The following PLCXD2 variants were observed in gnomAD, a reference collection of about 807,000 sequenced individuals.
PLCXD2 encodes the protein PI-PLC X domain-containing protein 2.
A neutral mutation model predicts 28.6 loss-of-function variants in PLCXD2; 21 were observed. That is an observed-to-expected ratio of 0.73 (90% CI 0.52 to 1.06). PLCXD2 has a LOEUF of 1.06. PLCXD2 is among the 50% of genes least tolerant of loss of function. PLCXD2 has a pLI of 0.00. For missense variants in PLCXD2, 369 were observed against 376.7 expected, an observed-to-expected ratio of 0.98 and a Z score of 0.17; for synonymous variants, 140 against 150.1, an observed-to-expected ratio of 0.93 and a Z score of 0.49.
rs531703979 is a variant in PLCXD2, at chr3:111,692,220, A to G, written c.164-15706A>G. ...CCACGCCCGGCTAATTTCTTTTTGT[A>G]TTTTTGTAGAGACGGGGTTTCACCG... On this transcript the variant is annotated intron_variant, in intron 1 of 4. Coordinates refer to ENST00000477665, the MANE Select transcript of PLCXD2 (RefSeq NM_001185106.1). Among the ~76,000 whole-genome samples, 4 of 152,054 alleles carry G rather than the reference A, an allele frequency of 2.6e-5. No individual in the cohort carries two copies. The South Asian group carries it at 8.3e-4, about 32-fold the overall frequency.
intron 3 of PLCXD2, among the ~76,000 whole-genome samples, chr3:111,716,423 A>C (rs1339015736): frequency 1.3e-5 from 2 of 152,038 alleles, no homozygotes; most frequent in African/African-American, 4.8e-5. Flanking sequence ...TAACCCCCTA[A>C]CTCTTCGATA....
chr3:111,693,999 C>G (rs1940925522), intron 1 of PLCXD2, among the ~76,000 whole-genome samples: 2 of 152,236 alleles, frequency 1.3e-5, no homozygotes, highest in South Asian at 4.1e-4. Context: ...TAGGCTACCC[C>G]TTCAAGCTGT....
chr3:111,703,406 T>C (rs932615274), intron 1 of PLCXD2, among the ~76,000 whole-genome samples: 1 of 152,226 alleles, frequency 6.6e-6, no homozygotes, highest in Non-Finnish European at 1.5e-5. Flanking sequence ...CCCATTGCTG[T>C]CACATTTCTG....
chr3:111,711,117 A>T (rs1464892430), intron 2 of PLCXD2, among the ~76,000 whole-genome samples: 5 of 152,142 alleles, frequency 3.3e-5, no homozygotes, highest in Non-Finnish European at 5.9e-5. Flanking sequence ...TCTTCTTGAA[A>T]GCTAAACAGG....
At chr3:111,726,574 T>G (rs1343505491) in intron 3 of PLCXD2, 1 of 152,200 alleles carries the variant, frequency 6.6e-6, no homozygotes, top group Admixed American at 6.5e-5. Context: ...AATAATAAAG[T>G]ATACCAATTT....
At chr3:111,708,409 C>T (rs761118997) in intron 2 of PLCXD2, 23 bp downstream of exon 2, 2 of 1,588,690 alleles carry the variant, frequency 1.3e-6, no homozygotes, top group South Asian at 1.1e-5. Flanking sequence ...GAGAGATAAG[C>T]TTCCAAGAGC....
rs749021393 is a variant in PLCXD2, at chr3:111,717,556, G to A, written c.866+3428G>A. 8.5e-5 allele frequency among the ~76,000 whole-genome samples: 13 copies of A among 152,280 alleles called. No individual in the cohort carries two copies. The South Asian group carries it at 1.5e-3, about 17-fold the overall frequency. ...CTTGCCTTGGAGAAGGTTGACACAT[G>A]CTACCCGAAGCTGACACAGAACTCT... On this transcript the variant is annotated intron_variant, in intron 3 of 4. Transcript: ENST00000477665.
intron 1 of PLCXD2, among the ~76,000 whole-genome samples, chr3:111,678,044 A>T (rs1940651164): frequency 6.6e-6 from 1 of 152,156 alleles, no homozygotes; most frequent in African/African-American, 2.4e-5. Flanking sequence ...CAGGATGGTG[A>T]TGAGGCGGGG....
At chr3:111,710,775 G>A (rs957666028) in intron 2 of PLCXD2, among the ~76,000 whole-genome samples, 8 of 152,106 alleles carry the variant, frequency 5.3e-5, no homozygotes, top group South Asian at 2.1e-4. Flanking sequence ...TTGGGGATTC[G>A]GTTAAATTTG....
chr3:111,721,513 A>G (rs112684927), intron 3 of PLCXD2: 13 of 152,172 alleles, frequency 8.5e-5, no homozygotes, highest in African/African-American at 3.1e-4. Context: ...CTTCAGATAA[A>G]CAGTGCATAC....
chr3:111,686,004 A>G (rs1370268638), intron 1 of PLCXD2, among the ~76,000 whole-genome samples: 1 of 152,196 alleles, frequency 6.6e-6, no homozygotes, highest in East Asian at 1.9e-4. Flanking sequence ...GGGCAATGGA[A>G]TGCTCATTGT....
At chr3:111,695,982 C>A (rs1424081450) in intron 1 of PLCXD2, among the ~76,000 whole-genome samples, 2 of 152,146 alleles carry the variant, frequency 1.3e-5, no homozygotes, top group Non-Finnish European at 2.9e-5. Flanking sequence ...CAGAAAAATT[C>A]AACTCTTTAA....
intron 1 of PLCXD2, among the ~76,000 whole-genome samples, chr3:111,697,132 T>G (rs919760845): frequency 6.6e-6 from 1 of 152,192 alleles, no homozygotes; most frequent in African/African-American, 2.4e-5. Flanking sequence ...CTATAACTTA[T>G]AAGATTTATT....
In PLCXD2 at chr3:111,687,940, TG is replaced by T. The variant is rs538919645; in HGVS notation, c.163+12535del. ...CTCTCGCAATGACCTCCCAAAGTGC[TG>T]GGATTACAGGCATGAGCCACTGTGC... On this transcript the variant is annotated intron_variant, in intron 1 of 4. Transcript: ENST00000477665. 2.9e-3 allele frequency among the ~76,000 whole-genome samples: 440 copies of T among 152,298 alleles called. 1 individual carries two copies. Among genetic ancestry groups the T allele is most frequent in the South Asian group, 8.9e-3 (43 of 4,824 alleles).
chr3:111,721,733 C>A (rs1333044016), intron 3 of PLCXD2: 1 of 152,196 alleles, frequency 6.6e-6, no homozygotes, highest in African/African-American at 2.4e-5. Context: ...GGTAGAGCAC[C>A]TGCATCATTT....
At chr3:111,688,463 TA>T (rs1453783377) in intron 1 of PLCXD2, among the ~76,000 whole-genome samples, 1 of 152,244 alleles carries the variant, frequency 6.6e-6, no homozygotes, top group African/African-American at 2.4e-5. Context: ...TGTGTGACAG[TA>T]CCACACAAAG....
rs990480096 is a variant in PLCXD2, at chr3:111,675,363, C to G, written c.118C>G (p.Pro40Ala). 29 of 1,614,136 alleles carry G rather than the reference C, an allele frequency of 1.8e-5. No individual in the cohort carries two copies. The highest frequency in any genetic ancestry group is 2.5e-5 in the Non-Finnish European group (29 of 1,180,018). Residue 40 changes from proline to alanine, a missense_variant, in exon 1 of 5, where the codon CCC becomes GCC. Coordinates refer to ENST00000477665, the MANE Select transcript of PLCXD2 (RefSeq NM_001185106.1). ...CAATGCCGACTGGATGGCCTCGCTC[C>G]CCCCTCACCTCCACAACCTCCCCCT...
intron 1 of PLCXD2, among the ~76,000 whole-genome samples, chr3:111,694,220 G>C (rs1274252762): frequency 6.6e-6 from 1 of 152,076 alleles, no homozygotes; most frequent in Admixed American, 6.5e-5. Context: ...TTCCTCAGCA[G>C]ATCCACTGAG....
intron 1 of PLCXD2, among the ~76,000 whole-genome samples, chr3:111,696,582 C>T (rs1219809075): frequency 6.6e-6 from 1 of 152,124 alleles, no homozygotes; most frequent in Non-Finnish European, 1.5e-5. Context: ...TCTGACCTCA[C>T]TTGACAAAGT....
Sources: gnomAD v4.1 joint callset for allele counts (sites outside exome capture counted in the v4.1 genomes callset) on GRCh38, gnomAD v4.1.1 for gene constraint, MANE v1.5 for transcripts, NCBI Gene and HGNC (gene_info 2026-07-23, HGNC 2026-07-21) for gene names.